CLDN10: variants seen among roughly 807,000 people sequenced by gnomAD.
CLDN10 encodes claudin-10.
A neutral mutation model predicts 22.9 loss-of-function variants in CLDN10; 15 were observed. The ratio of observed to expected loss-of-function variants is 0.65; its 90% CI spans 0.44 to 1.01. The LOEUF (loss-of-function observed/expected upper bound fraction) is 1.01, where lower values mean the gene tolerates loss of function less well. Among genes scored for constraint, CLDN10 ranks in the 50% least tolerant of loss-of-function variants. CLDN10 has a pLI of 0.00. For missense variants in CLDN10, 247 were observed against 287.8 expected, an observed-to-expected ratio of 0.86 and a Z score of 1.03; for synonymous variants, 114 against 111.4, an observed-to-expected ratio of 1.02 and a Z score of -0.15.
At chr13:95,480,225 C>A (rs1373217176) in intron 1 of CLDN10, among the ~76,000 whole-genome samples, 1 of 152,210 alleles carries the variant, frequency 6.6e-6, no homozygotes, top group African/African-American at 2.4e-5. Context: ...CCGGGTCCCT[C>A]CCACGACACA....
intron 1 of CLDN10, among the ~76,000 whole-genome samples, chr13:95,531,588 T>C (rs1052350026): frequency 2.0e-5 from 3 of 152,126 alleles, no homozygotes; most frequent in African/African-American, 7.2e-5. Context: ...TGAAGTGCAG[T>C]GGTGCAATCT....
At chr13:95,502,117 C>T (rs76090333) in intron 1 of CLDN10, among the ~76,000 whole-genome samples, 11,195 of 152,138 alleles carry the variant, frequency 0.074, 460 homozygotes, top group Non-Finnish European at 0.086. Flanking sequence ...TACTTCCGCA[C>T]ATGTTAAAAG....
At chr13:95,528,179 C>T (rs116660959) in intron 1 of CLDN10, among the ~76,000 whole-genome samples, 1,546 of 152,286 alleles carry the variant, frequency 0.01, 26 homozygotes, top group African/African-American at 0.035. Context: ...ATAATGCCCA[C>T]GTGTTGTGGG....
At chr13:95,495,541 G>A (rs1393009413) in intron 1 of CLDN10, among the ~76,000 whole-genome samples, 1 of 151,108 alleles carries the variant, frequency 6.6e-6, no homozygotes, top group Non-Finnish European at 1.5e-5. Flanking sequence ...TCAGGAGATC[G>A]AGGCCATCCT....
At chr13:95,503,626 T>C (rs2043008314) in intron 1 of CLDN10, among the ~76,000 whole-genome samples, 1 of 152,168 alleles carries the variant, frequency 6.6e-6, no homozygotes, top group Non-Finnish European at 1.5e-5. Context: ...AAACAAAATG[T>C]CCTATATACT....
intron 1 of CLDN10, among the ~76,000 whole-genome samples, chr13:95,497,628 A>G (rs1381042567): frequency 6.6e-6 from 1 of 152,242 alleles, no homozygotes; most frequent in African/African-American, 2.4e-5. Flanking sequence ...TCACCAAATA[A>G]TCCTAGAATA....
Position 95,526,482 on chromosome 13 carries a change from A to G in CLDN10, c.215-33650A>G, listed in dbSNP as rs1007380296. On this transcript the variant is annotated intron_variant, in intron 1 of 4. Coordinates refer to the CLDN10 transcript ENST00000376873. ...TAAGTTGTTCCTTATGAAACTGTCC[A>G]TTCTCTAGAGATGGATCTCACAGTC... is the stretch of plus-strand genomic sequence containing the variant. Among the ~76,000 whole-genome samples, 4 of 152,212 alleles carry G rather than the reference A, an allele frequency of 2.6e-5. No individual in the cohort carries two copies. In the East Asian group the frequency reaches 7.7e-4, roughly 29 times the overall value.
intron 1 of CLDN10, among the ~76,000 whole-genome samples, chr13:95,512,019 T>C: frequency 9.9e-6 from 1 of 101,222 alleles, no homozygotes; most frequent in African/African-American, 3.5e-5. Flanking sequence ...CCCACAACAG[T>C]CCCCAGAGTT....
chr13:95,538,191 A>G (rs1161592067), intron 1 of CLDN10, among the ~76,000 whole-genome samples: 1 of 112,164 alleles, frequency 8.9e-6, no homozygotes, highest in Non-Finnish European at 1.7e-5. Flanking sequence ...TGAGACATGC[A>G]ATGGCACAAT....
chr13:95,452,822 G>A (rs150973048), intron 1 of CLDN10, among the ~76,000 whole-genome samples: 85 of 152,184 alleles, frequency 5.6e-4, no homozygotes, highest in African/African-American at 2.0e-3. Flanking sequence ...TGACTCAAAT[G>A]GTTAAGATGA....
At chr13:95,528,427 T>C (rs1203481460) in intron 1 of CLDN10, 1 of 152,332 alleles carries the variant, frequency 6.6e-6, no homozygotes, top group Non-Finnish European at 1.5e-5. Context: ...CTTTATAAAT[T>C]ACCCAGTCTC....
At chr13:95,501,930 C>A (rs1186427452) in intron 1 of CLDN10, among the ~76,000 whole-genome samples, 4 of 152,090 alleles carry the variant, frequency 2.6e-5, no homozygotes. Flanking sequence ...CTTTATTGAT[C>A]TTTTAGCTAT....
At chr13:95,573,555 G>T (rs2043888049) in intron 3 of CLDN10, among the ~76,000 whole-genome samples, 1 of 138,818 alleles carries the variant, frequency 7.2e-6, no homozygotes, top group Non-Finnish European at 1.7e-5. Flanking sequence ...AAGGAAGAAA[G>T]ATTTCCAGAC....
At chr13:95,570,370 G>A (rs1444392617) in intron 3 of CLDN10, among the ~76,000 whole-genome samples, 1 of 152,174 alleles carries the variant, frequency 6.6e-6, no homozygotes, top group East Asian at 1.9e-4. Context: ...AACTGATTTG[G>A]TTTTGAATTG....
At chr13:95,457,788 C>A (rs754366320) in intron 1 of CLDN10, among the ~76,000 whole-genome samples, 1 of 152,076 alleles carries the variant, frequency 6.6e-6, no homozygotes, top group Non-Finnish European at 1.5e-5. Context: ...TGAAGACCCT[C>A]TAGGAAGCCA....
intron 1 of CLDN10, among the ~76,000 whole-genome samples, chr13:95,510,193 C>T (rs191861329): frequency 1.3e-5 from 2 of 152,298 alleles, no homozygotes; most frequent in East Asian, 1.9e-4. Flanking sequence ...GGAATGATAG[C>T]GAGAGTCTGG....
intron 1 of CLDN10, among the ~76,000 whole-genome samples, chr13:95,527,782 T>C (rs2138598165): frequency 6.6e-6 from 1 of 152,194 alleles, no homozygotes; most frequent in Non-Finnish European, 1.5e-5. Context: ...ATTAAAAAAC[T>C]CTGTGGCGAG....
Position 95,473,139 on chromosome 13 carries a change from C to CAA in CLDN10, c.214+39111_214+39112dup, listed in dbSNP as rs765295179. ...TGGGTGACAGAGTGAAAACCTATCTCAAAAAAAAAAAAAAAAAAAAGGAGA... is the reference window on the plus strand; with the variant it reads ...TGGGTGACAGAGTGAAAACCTATCTCAAAAAAAAAAAAAAAAAAAAAAGGAGA... On this transcript the variant is annotated intron_variant, in intron 1 of 4. Coordinates refer to the CLDN10 transcript ENST00000376873. Among the ~76,000 whole-genome samples the CAA allele has an allele frequency of 2.0e-3, 117 of 58,716 alleles. 1 individual carries two copies. The highest frequency in any genetic ancestry group is 7.2e-3 in the South Asian group (11 of 1,528). The allele number at this position is 58,716 out of a possible 152,430, so 38.5% of individuals were successfully genotyped here. A position where few individuals can be genotyped will look rare whatever the true frequency, so the allele number is the denominator to read the frequency against.
intron 3 of CLDN10, among the ~76,000 whole-genome samples, chr13:95,572,642 A>G (rs1046456092): frequency 6.6e-6 from 1 of 152,204 alleles, no homozygotes; most frequent in Non-Finnish European, 1.5e-5. Flanking sequence ...GTTTGGGAGA[A>G]CCACGGTAAT....
Sources: allele counts gnomAD v4.1 joint callset (sites outside exome capture counted in the v4.1 genomes callset), GRCh38; gene constraint gnomAD v4.1.1; transcripts MANE v1.5; gene names NCBI Gene and HGNC (gene_info 2026-07-23, HGNC 2026-07-21).